The following CNTN5 variants were observed in gnomAD, a reference collection of about 807,000 sequenced individuals.
CNTN5 encodes contactin 5, also known as contactin-5.
A neutral mutation model predicts 129.1 loss-of-function variants in CNTN5; 77 were observed. That is an observed-to-expected ratio of 0.60 (90% CI 0.50 to 0.72). The LOEUF (loss-of-function observed/expected upper bound fraction) is 0.72. Ranked by LOEUF, CNTN5 falls within the 30% of genes least tolerant of loss-of-function variation. The pLI is 0.00. For missense variants in CNTN5, 1,478 were observed against 1,328.8 expected (o/e 1.11, Z -1.75); for synonymous variants, 509 against 465.6 (o/e 1.09, Z -1.20).
chr11:99,795,330 T>C (rs1189046686), intron 3 of CNTN5, among the ~76,000 whole-genome samples: 1 of 152,212 alleles, frequency 6.6e-6, no homozygotes, highest in Non-Finnish European at 1.5e-5. Context: ...CATTTTATTG[T>C]ATTCCTTAGA....
chr11:99,994,685 C>T (rs1156233333), intron 8 of CNTN5, among the ~76,000 whole-genome samples: 1 of 152,086 alleles, frequency 6.6e-6, no homozygotes, highest in Non-Finnish European at 1.5e-5. Context: ...TAAGAATAGG[C>T]AGGGAAATCG....
At chr11:99,377,633 G>A (rs147508953) in intron 2 of CNTN5, among the ~76,000 whole-genome samples, 1 of 152,038 alleles carries the variant, frequency 6.6e-6, no homozygotes, top group African/African-American at 2.4e-5. Context: ...TAACTTCATC[G>A]CTACTCTCAC....
chr11:99,440,027 C>A (rs1943764587), intron 2 of CNTN5, among the ~76,000 whole-genome samples: 1 of 151,908 alleles, frequency 6.6e-6, no homozygotes, highest in African/African-American at 2.4e-5. Flanking sequence ...GATTGAATAC[C>A]ATAATGAATG....
chr11:99,396,385 T>C (rs1049687697), intron 2 of CNTN5, among the ~76,000 whole-genome samples: 3 of 151,586 alleles, frequency 2.0e-5, no homozygotes, highest in African/African-American at 7.3e-5. Context: ...GTGGTCTAGG[T>C]TATCTCAATA....
In CNTN5 at chr11:99,432,429, C is replaced by CCTTTTCTTTCCTTTTCTTTT. The variant is rs1555143527; in HGVS notation, c.-71+106955_-71+106974dup. On this transcript the variant is annotated intron_variant, in intron 2 of 24. Transcript: ENST00000524871. ...GGGCTCTGTTTCTTTCTTTTCTTTTCCTTTTCTTTCCTTTTCTTTTCTTTT... is the reference window on the plus strand; with the variant it reads ...GGGCTCTGTTTCTTTCTTTTCTTTTCCTTTTCTTTCCTTTTCTTTTCTTTTCTTTCCTTTTCTTTTCTTTT... Among the ~76,000 whole-genome samples the CCTTTTCTTTCCTTTTCTTTT allele has an allele frequency of 6.1e-3, 765 of 125,206 alleles. 3 individuals are homozygous for CCTTTTCTTTCCTTTTCTTTT. Among genetic ancestry groups the CCTTTTCTTTCCTTTTCTTTT allele is most frequent in the Non-Finnish European group, 0.011 (614 of 57,020 alleles). The allele number at this position is 125,206 out of a possible 152,430, so 82.1% of individuals were successfully genotyped here.
chr11:99,042,463 C>G (rs140798457), intron 1 of CNTN5, among the ~76,000 whole-genome samples: 1 of 149,428 alleles, frequency 6.7e-6, no homozygotes, highest in African/African-American at 2.5e-5. Flanking sequence ...GCAAGCTCCG[C>G]CTCCTGGGTT....
chr11:99,692,804 C>T (rs1208073352), intron 3 of CNTN5, among the ~76,000 whole-genome samples: 2 of 151,930 alleles, frequency 1.3e-5, no homozygotes, highest in South Asian at 2.1e-4. Flanking sequence ...GATATGACAC[C>T]AATTTTGATT....
chr11:99,918,753 G>C (rs534444748), intron 7 of CNTN5, among the ~76,000 whole-genome samples: 4 of 152,226 alleles, frequency 2.6e-5, no homozygotes, highest in African/African-American at 9.6e-5. Context: ...GGCTTATTCA[G>C]CATCCCTGTT....
intron 13 of CNTN5, among the ~76,000 whole-genome samples, chr11:100,115,306 A>C (rs573420461): frequency 1.3e-5 from 2 of 152,136 alleles, no homozygotes; most frequent in South Asian, 4.1e-4. Context: ...AACTATTAAG[A>C]CTAATTAAGG....
chr11:99,156,969 C>A (rs78481405), intron 1 of CNTN5, among the ~76,000 whole-genome samples: 11 of 151,896 alleles, frequency 7.2e-5, no homozygotes, highest in Non-Finnish European at 1.5e-4. Flanking sequence ...TAATTAACAA[C>A]GGTAATGGTG....
chr11:99,947,437 C>T (rs538422419), intron 7 of CNTN5, among the ~76,000 whole-genome samples: 1 of 151,610 alleles, frequency 6.6e-6, no homozygotes, highest in Non-Finnish European at 1.5e-5. Context: ...TAGACAGTAT[C>T]CACTATTTCT....
chr11:99,351,896 C>A (rs1373156133), intron 2 of CNTN5, among the ~76,000 whole-genome samples: 1 of 152,216 alleles, frequency 6.6e-6, no homozygotes, highest in East Asian at 1.9e-4. Flanking sequence ...TAAATACCCA[C>A]TGTGGCTGGA....
At position 100,089,350 on chromosome 11, in the gene CNTN5, C is replaced by T. The variant is rs1230371370; in HGVS notation, c.1580+15056C>T. ...ATTATAGAAAGGCAAATTAAAACCA[C>T]GATGAGATATCATCTCATGCCAGTT... On this transcript the variant is annotated intron_variant, in intron 13 of 24. Coordinates refer to ENST00000524871, the MANE Select transcript of CNTN5 (RefSeq NM_014361.4). Among the ~76,000 whole-genome samples the T allele has an allele frequency of 4.6e-5, 7 of 152,094 alleles. No individual in the cohort carries two copies. The South Asian group carries it at 8.3e-4, about 18-fold the overall frequency.
intron 2 of CNTN5, among the ~76,000 whole-genome samples, chr11:99,537,837 G>T (rs1202555562): frequency 1.3e-5 from 2 of 152,146 alleles, no homozygotes; most frequent in Non-Finnish European, 2.9e-5. Flanking sequence ...AATAGCAGAG[G>T]TAGCCTCAGG....
chr11:99,727,312 C>CAAAAAAAAAAAAAAAAAA (rs397936738), intron 3 of CNTN5, among the ~76,000 whole-genome samples: 41 of 24,256 alleles, frequency 1.7e-3, no homozygotes, highest in South Asian at 5.6e-3. Context: ...GACTCCGTCT[C>CAAAAAAAAAAAAAAAAAA]AAAAAAAAAA....
rs578161186 is a variant in CNTN5 at position 100,238,097 on chromosome 11, G to T, written c.2005+13285G>T. Among the ~76,000 whole-genome samples the T allele has an allele frequency of 3.3e-5, 5 of 152,234 alleles. No homozygotes were observed. In the South Asian group the frequency reaches 1.0e-3, roughly 32 times the overall value. The stretch of plus-strand genomic sequence containing the variant: ...GTAAAGGTGCATAAATTCAAGGTGA[G>T]CAAAAAGTAGTGGAGAAAAGGTCTG... On this transcript the variant is annotated intron_variant, in intron 16 of 24. Transcript: ENST00000524871.
chr11:100,029,621 A>G (rs11823589), intron 9 of CNTN5, among the ~76,000 whole-genome samples: 1 of 152,138 alleles, frequency 6.6e-6, no homozygotes, highest in Non-Finnish European at 1.5e-5. Flanking sequence ...GCAGATATTA[A>G]TATAATTCAA....
chr11:99,861,441 C>T lies in CNTN5; in HGVS notation c.577+16179C>T, dbSNP rs540848879. ...GTAAACTTAAGCACACTGATTATGCCGATACAATGATACAAAGAGAAGATG... is the reference window on the plus strand; with the variant it reads ...GTAAACTTAAGCACACTGATTATGCTGATACAATGATACAAAGAGAAGATG... On this transcript the variant is annotated intron_variant, in intron 6 of 24. Transcript: ENST00000524871. 6.3e-4 allele frequency among the ~76,000 whole-genome samples: 96 copies of T among 152,118 alleles called. 2 individuals are homozygous for T. In the South Asian group the frequency reaches 8.3e-3, roughly 13 times the overall value.
intron 2 of CNTN5, among the ~76,000 whole-genome samples, chr11:99,399,611 T>C (rs1304419410): frequency 6.6e-6 from 1 of 151,796 alleles, no homozygotes; most frequent in Non-Finnish European, 1.5e-5. Context: ...AAAGGGCTTT[T>C]TTTTTTATTA....
Sources: gnomAD v4.1 joint callset for allele counts (sites outside exome capture counted in the v4.1 genomes callset) on GRCh38, gnomAD v4.1.1 for gene constraint, MANE v1.5 for transcripts, NCBI Gene and HGNC (gene_info 2026-07-23, HGNC 2026-07-21) for gene names.